TBCK: variants seen among roughly 807,000 people sequenced by gnomAD.
TBCK encodes TBC1 domain containing kinase.
Under a neutral mutation model 113.4 loss-of-function variants are expected in TBCK, and 99 were observed. The observed-to-expected ratio is 0.87, with a 90% CI of 0.74 to 1.03. TBCK has a LOEUF of 1.03. TBCK is among the 50% of genes least tolerant of loss of function. TBCK has a pLI of 0.00. For synonymous variants in TBCK, 369 were observed against 370.8 expected, an observed-to-expected ratio of 1.00 and a Z score of 0.05; for missense variants, 1,045 against 1,061.3, an observed-to-expected ratio of 0.98 and a Z score of 0.21.
intron 5 of TBCK, among the ~76,000 whole-genome samples, chr4:106,254,050 T>C (rs1179809626): frequency 1.3e-5 from 2 of 152,202 alleles, no homozygotes; most frequent in Admixed American, 1.3e-4. Flanking sequence ...ATGTGATGTA[T>C]CTTTCATTTT....
chr4:106,232,173 T>C (rs1020534163), intron 17 of TBCK, among the ~76,000 whole-genome samples: 2 of 151,768 alleles, frequency 1.3e-5, no homozygotes, highest in African/African-American at 4.8e-5. Flanking sequence ...TCTTTGGGAT[T>C]ATGAAAAAAA....
intron 23 of TBCK, among the ~76,000 whole-genome samples, chr4:106,124,628 T>G (rs1223740203): frequency 1.3e-5 from 2 of 152,018 alleles, no homozygotes; most frequent in Non-Finnish European, 2.9e-5. Context: ...TAGACTGGAT[T>G]AAGAAAATGT....
chr4:106,214,944 A>C (rs542631342), intron 19 of TBCK, among the ~76,000 whole-genome samples: 1 of 151,954 alleles, frequency 6.6e-6, no homozygotes, highest in Non-Finnish European at 1.5e-5. Context: ...TGAAGGAAAA[A>C]ATGTTAAGGG....
intron 20 of TBCK, among the ~76,000 whole-genome samples, chr4:106,195,832 T>TG (rs1247905772): frequency 6.6e-6 from 1 of 152,016 alleles, no homozygotes; most frequent in Non-Finnish European, 1.5e-5. Flanking sequence ...CAGCATATTG[T>TG]GGGATATCTC....
intron 3 of TBCK, among the ~76,000 whole-genome samples, chr4:106,272,953 A>G (rs543457365): frequency 3.3e-5 from 5 of 152,228 alleles, no homozygotes; most frequent in Non-Finnish European, 7.4e-5. Flanking sequence ...AGTAGGTCCC[A>G]TTGAATAACC....
chr4:106,097,033 A>G (rs1316458104), intron 24 of TBCK, among the ~76,000 whole-genome samples: 1 of 152,194 alleles, frequency 6.6e-6, no homozygotes, highest in Non-Finnish European at 1.5e-5. Flanking sequence ...GTGATTTTGT[A>G]GGCTCGATAT....
At chr4:106,283,900 A>G (rs1033008665) in intron 3 of TBCK, among the ~76,000 whole-genome samples, 2 of 152,184 alleles carry the variant, frequency 1.3e-5, no homozygotes, top group Non-Finnish European at 2.9e-5. Flanking sequence ...TTACAATGCA[A>G]TAGCCAAGCT....
At chr4:106,174,407 A>AATTTTTTT (rs1373319211) in intron 22 of TBCK, among the ~76,000 whole-genome samples, 2 of 152,066 alleles carry the variant, frequency 1.3e-5, no homozygotes, top group Non-Finnish European at 2.9e-5. Flanking sequence ...TCTAGGGTTG[A>AATTTTTTT]ATTTTTTTCT....
At chr4:106,310,318 G>T (rs1768057020) in intron 1 of TBCK, 1 of 152,142 alleles carries the variant, frequency 6.6e-6, no homozygotes, top group South Asian at 2.1e-4. Flanking sequence ...GAAGCAGAAA[G>T]AAATAAGCTA....
chr4:106,052,245 G>A (rs1329539405), intron 25 of TBCK, among the ~76,000 whole-genome samples: 1 of 151,808 alleles, frequency 6.6e-6, no homozygotes, highest in Non-Finnish European at 1.5e-5. Flanking sequence ...GAAGGTGAAT[G>A]CACAGGCCAG....
intron 25 of TBCK, among the ~76,000 whole-genome samples, chr4:106,065,750 C>T (rs1235971953): frequency 6.6e-6 from 1 of 151,992 alleles, no homozygotes; most frequent in Non-Finnish European, 1.5e-5. Flanking sequence ...CACTATAGCT[C>T]ATTGCTTTAT....
chr4:106,123,201 G>C (rs1032308307), intron 23 of TBCK, among the ~76,000 whole-genome samples: 27 of 152,210 alleles, frequency 1.8e-4, no homozygotes, highest in Non-Finnish European at 2.5e-4. Flanking sequence ...AATCAATGTA[G>C]AAAAATCACA....
chr4:106,232,406 AC>A (rs139008137), intron 17 of TBCK, among the ~76,000 whole-genome samples: 4,080 of 151,936 alleles, frequency 0.027, 173 homozygotes, highest in African/African-American at 0.093. Flanking sequence ...GCCACTTATA[AC>A]AACACATTCA....
At chr4:106,078,662 G>A (rs1221734413) in intron 25 of TBCK, among the ~76,000 whole-genome samples, 1 of 151,640 alleles carries the variant, frequency 6.6e-6, no homozygotes, top group Non-Finnish European at 1.5e-5. Flanking sequence ...ACCAAAAAAA[G>A]CCCTGAACCA....
At chr4:106,051,126 A>T (rs531227167) in intron 25 of TBCK, among the ~76,000 whole-genome samples, 1 of 152,046 alleles carries the variant, frequency 6.6e-6, no homozygotes, top group South Asian at 2.1e-4. Flanking sequence ...CTGTGGGTGA[A>T]CTAAGGCCAA....
Position 106,236,521 on chromosome 4 carries a change from T to C in TBCK, c.1221-2A>G. ...TTTGAATGAGGTAAATTAGACTGGC[T>C]GTAAAAGAGAACAAAAGCAATAAAA... On this transcript the variant is annotated splice_acceptor_variant, in intron 13 of 25. Transcript: ENST00000394708. LOFTEE classifies it high-confidence loss of function. 2.0e-6 allele frequency: 3 copies of C among 1,498,116 alleles called. No homozygotes were observed. Among genetic ancestry groups the C allele is most frequent in the South Asian group, 2.9e-5 (2 of 68,232 alleles). 92.8% of individuals were successfully genotyped at this position (1,498,116 alleles called of 1,614,324 possible). A position where few individuals can be genotyped will look rare whatever the true frequency, so the allele number is the denominator to read the frequency against.
rs1401483173 is a variant in TBCK, at chr4:106,079,402, A to G, written c.2571+16080T>C. 2.0e-5 allele frequency among the ~76,000 whole-genome samples: 3 copies of G among 152,266 alleles called. No individual in the cohort carries two copies. The East Asian group carries it at 5.8e-4, about 29-fold the overall frequency. Reference sequence around the variant, plus strand: ...CAAATAATCTTTCTTCACAGATGATATGATTGTATACCTAGAAAACCCTAG... The same window carrying G: ...CAAATAATCTTTCTTCACAGATGATGTGATTGTATACCTAGAAAACCCTAG... On this transcript the variant is annotated intron_variant, in intron 25 of 25. Coordinates refer to ENST00000394708, the MANE Select transcript of TBCK (RefSeq NM_001163435.3).
chr4:106,201,862 T>C (rs1041537369), intron 20 of TBCK, among the ~76,000 whole-genome samples: 1 of 152,098 alleles, frequency 6.6e-6, no homozygotes, highest in African/African-American at 2.4e-5. Context: ...TAAATTATTA[T>C]ATGCCTTCTC....
chr4:106,094,200 T>A (rs557739455), intron 25 of TBCK, among the ~76,000 whole-genome samples: 10 of 152,308 alleles, frequency 6.6e-5, no homozygotes, highest in African/African-American at 2.4e-4. Flanking sequence ...ACACACTCGC[T>A]CTAGGAATAA....
Sources: allele counts gnomAD v4.1 joint callset (sites outside exome capture counted in the v4.1 genomes callset), GRCh38; gene constraint gnomAD v4.1.1; transcripts MANE v1.5; gene names NCBI Gene and HGNC (gene_info 2026-07-23, HGNC 2026-07-21).